PKHD1: variants seen among roughly 807,000 people sequenced by gnomAD.
PKHD1 encodes fibrocystin.
Under a neutral mutation model 412.0 loss-of-function variants are expected in PKHD1, and 291 were observed. The observed-to-expected ratio is 0.71, with a 90% CI of 0.64 to 0.78. The LOEUF (loss-of-function observed/expected upper bound fraction) is 0.78. Among genes scored for constraint, PKHD1 ranks in the 30% least tolerant of loss-of-function variants. The pLI, the probability that PKHD1 is intolerant of heterozygous loss-of-function variation, is 0.00. For missense variants in PKHD1, 4,825 were observed against 4,950.7 expected, an observed-to-expected ratio of 0.97 and a Z score of 0.76; for synonymous variants, 1,777 against 1,821.5, an observed-to-expected ratio of 0.98 and a Z score of 0.62.
Position 51,655,393 on chromosome 6 carries a change from C to G in PKHD1, c.11174+3559G>C, listed in dbSNP as rs150458040. On this transcript the variant is annotated intron_variant, in intron 61 of 66. Transcript: ENST00000371117. ...TGATTGGCTTTCCTGGTTTTCTTCTCTATTCCAAAGCAACCTGATAGGGTG... is the reference window on the plus strand; with the variant it reads ...TGATTGGCTTTCCTGGTTTTCTTCTGTATTCCAAAGCAACCTGATAGGGTG... Among the ~76,000 whole-genome samples the G allele has an allele frequency of 3.9e-5, 6 of 152,206 alleles. No homozygotes were observed. In the East Asian group the frequency reaches 1.2e-3, roughly 29 times the overall value.
Position 51,748,343 on chromosome 6 carries a change from G to A in PKHD1, c.9273C>T (p.Leu3091=). The change falls in exon 58 of 67, where the codon CTC becomes CTT. Residue 3091 remains leucine (L), a synonymous_variant. Coordinates refer to ENST00000371117, the MANE Select transcript of PKHD1 (RefSeq NM_138694.4). ...IKVNQVKDIN[L]HGNVVAGSER... The stretch of plus-strand genomic sequence containing the variant: ...CTGATCCTGCCACAACGTTGCCATG[G>A]AGGTTGATGTCCTTTACCTGGTTCA... 1 of 1,614,060 alleles carries A rather than the reference G, an allele frequency of 6.2e-7. No homozygotes were observed. The highest frequency in any genetic ancestry group is 8.5e-7 in the Non-Finnish European group (1 of 1,179,958).
At position 52,066,069 on chromosome 6, in the gene PKHD1, A is replaced by T. The variant is rs755803138; in HGVS notation, c.787T>A (p.Ser263Thr). ...AGGCTCCCAGTTTCTGGAAACACAG[A>T]TAATATTTCTGCAAGAGTTAAAAAA... is the stretch of plus-strand genomic sequence containing the variant. ...FLYQTHSEIL[S>T]VFPETGSLGG... Residue 263 changes from serine to threonine, a missense_variant, in exon 12 of 67, where the codon TCT (serine) becomes ACT (threonine). Coordinates refer to ENST00000371117, the MANE Select transcript of PKHD1 (RefSeq NM_138694.4). The T allele has an allele frequency of 4.0e-6, 6 of 1,490,930 alleles. No individual in the cohort carries two copies. Among genetic ancestry groups the T allele is most frequent in the Non-Finnish European group, 5.6e-6 (6 of 1,072,182 alleles). 92.4% of individuals were successfully genotyped at this position (1,490,930 alleles called of 1,614,324 possible).
At chr6:51,721,797 T>A in intron 60 of PKHD1, 1 of 1,457,812 alleles carries the variant, frequency 6.9e-7, no homozygotes, top group Middle Eastern at 1.8e-4. Flanking sequence ...TTCTTTGATC[T>A]GTACCATCCT....
chr6:51,874,680 G>A (rs530788350), intron 46 of PKHD1, among the ~76,000 whole-genome samples: 7 of 152,146 alleles, frequency 4.6e-5, no homozygotes, highest in Non-Finnish European at 8.8e-5. Context: ...TGTAATCCCA[G>A]CACTATGGGA....
chr6:51,982,875 T>TAAAAAAAAAAAAAAAAAAA (rs747895518), intron 35 of PKHD1, among the ~76,000 whole-genome samples: 1 of 137,082 alleles, frequency 7.3e-6, no homozygotes, highest in African/African-American at 2.6e-5. Flanking sequence ...TAAAATAAAA[T>TAAAAAAAAAAAAAAAAAAA]AAAATAAAAT....
chr6:51,767,155 A>C (rs975962364), intron 55 of PKHD1, among the ~76,000 whole-genome samples: 1 of 151,906 alleles, frequency 6.6e-6, no homozygotes, highest in African/African-American at 2.4e-5. Context: ...GACTGTGTTT[A>C]TTTCTTGGTA....
rs778863348 is a variant in PKHD1 at position 51,746,701 on chromosome 6, A to G, written c.9998+20T>C. 11 of 1,489,062 alleles carry G rather than the reference A, an allele frequency of 7.4e-6. No individual in the cohort carries two copies. The South Asian group carries it at 1.2e-4, about 17-fold the overall frequency. The allele number at this position is 1,489,062 out of a possible 1,614,324, so 92.2% of individuals were successfully genotyped here. ...AAGTACTTCATAAATATGGCTTATT[A>G]TAAATACTAAAAATTATACCTGGGT... On this transcript the variant is annotated intron_variant, in intron 59 of 66. Transcript: ENST00000371117.
Position 51,960,377 on chromosome 6 carries a change from C to T in PKHD1, c.5752-351G>A, listed in dbSNP as rs770053852. Reference sequence around the variant, plus strand: ...CTTTTTTTTCCCCTCTAGCACAGGCCCCATTCTACCTAACAGATGAGTTTG... The same window carrying T: ...CTTTTTTTTCCCCTCTAGCACAGGCTCCATTCTACCTAACAGATGAGTTTG... On this transcript the variant is annotated intron_variant, in intron 35 of 66. Coordinates refer to ENST00000371117, the MANE Select transcript of PKHD1 (RefSeq NM_138694.4). 6.6e-5 allele frequency among the ~76,000 whole-genome samples: 10 copies of T among 151,948 alleles called. No individual in the cohort carries two copies. The East Asian group carries it at 1.9e-3, about 29-fold the overall frequency.
At chr6:51,685,245 A>T (rs1405366483) in intron 60 of PKHD1, among the ~76,000 whole-genome samples, 1 of 151,994 alleles carries the variant, frequency 6.6e-6, no homozygotes, top group East Asian at 1.9e-4. Context: ...ATCATTTTAT[A>T]CCCCAAAACT....
At chr6:52,031,171 C>A (rs973211349) in intron 29 of PKHD1, among the ~76,000 whole-genome samples, 2 of 152,200 alleles carry the variant, frequency 1.3e-5, no homozygotes, top group Non-Finnish European at 2.9e-5. Flanking sequence ...GAATTATTCC[C>A]ACCTATCAAA....
At chr6:51,638,306 G>C (rs1422999083) in intron 64 of PKHD1, among the ~76,000 whole-genome samples, 1 of 152,032 alleles carries the variant, frequency 6.6e-6, no homozygotes, top group East Asian at 1.9e-4. Context: ...ATAACATGTT[G>C]ACAAATGATC....
chr6:51,968,508 C>T (rs1793181355), intron 35 of PKHD1, among the ~76,000 whole-genome samples: 1 of 152,264 alleles, frequency 6.6e-6, no homozygotes, highest in Middle Eastern at 3.4e-3. Flanking sequence ...ACATTTTGAT[C>T]AGAACCAGAT....
At chr6:51,666,711 C>T (rs1773862291) in intron 60 of PKHD1, among the ~76,000 whole-genome samples, 2 of 127,068 alleles carry the variant, frequency 1.6e-5, no homozygotes, top group Non-Finnish European at 3.2e-5. Context: ...CACCCCACAA[C>T]AGTCCCCAGA....
At chr6:51,886,993 C>T (rs1217372910) in intron 44 of PKHD1, 140 bp downstream of exon 44, 1 of 701,666 alleles carries the variant, frequency 1.4e-6, no homozygotes, top group Non-Finnish European at 2.6e-6. Flanking sequence ...AATTATACCT[C>T]AAAAAAGCAG....
chr6:51,768,424 T>C (rs1366356566), intron 55 of PKHD1, among the ~76,000 whole-genome samples: 1 of 152,046 alleles, frequency 6.6e-6, no homozygotes, highest in African/African-American at 2.4e-5. Context: ...TTTTATAGTT[T>C]TGTTTTTATA....
intron 61 of PKHD1, among the ~76,000 whole-genome samples, chr6:51,650,301 T>C (rs1209163041): frequency 1.3e-5 from 2 of 152,136 alleles, no homozygotes; most frequent in African/African-American, 4.8e-5. Flanking sequence ...ATTAAGCCTA[T>C]TGTGAATTAC....
At chr6:51,651,333 T>A (rs1456670224) in intron 61 of PKHD1, among the ~76,000 whole-genome samples, 1 of 152,150 alleles carries the variant, frequency 6.6e-6, no homozygotes, top group East Asian at 1.9e-4. Flanking sequence ...TACGATATGT[T>A]ATAATAGTGC....
At chr6:51,693,711 C>T (rs1022493390) in intron 60 of PKHD1, among the ~76,000 whole-genome samples, 3 of 152,182 alleles carry the variant, frequency 2.0e-5, no homozygotes, top group Non-Finnish European at 2.9e-5. Flanking sequence ...ATAGCCATTA[C>T]CTCCTTTGCT....
At position 52,025,765 on chromosome 6, in the gene PKHD1, G is replaced by C. The variant is rs781101623; in HGVS notation, c.4045C>G (p.Leu1349Val). ...TGAAGAGGGATGGAGCATCCAGACA[G>C]GCTCACGTTGCCCTGGAAGGACTGT... ...ETQSFQGNVSLSGCSIPLHSL... is the reference protein window; with the variant it reads ...ETQSFQGNVSVSGCSIPLHSL... The change falls in exon 32 of 67, where the codon CTG (leucine) becomes GTG (valine). Residue 1349 changes from leucine to valine, a missense_variant. Physicochemically the swap from Leu to Val is conservative, Grantham distance 32. Transcript: ENST00000371117. 6.2e-7 allele frequency: 1 copy of C among 1,614,198 alleles called. No homozygotes were observed. Among genetic ancestry groups the C allele is most frequent in the South Asian group, 1.1e-5 (1 of 91,078 alleles).
Sources: allele counts gnomAD v4.1 joint callset (sites outside exome capture counted in the v4.1 genomes callset), GRCh38; gene constraint gnomAD v4.1.1; transcripts MANE v1.5; gene names NCBI Gene and HGNC (gene_info 2026-07-23, HGNC 2026-07-21).